PFKP: variants seen among roughly 807,000 people sequenced by gnomAD.
PFKP encodes ATP-dependent 6-phosphofructokinase, platelet type.
PFKP carries 101 observed loss-of-function variants against 94.3 expected under a neutral mutation model. That is an observed-to-expected ratio of 1.07 (90% CI 0.91 to 1.26). The LOEUF (loss-of-function observed/expected upper bound fraction) is 1.26. Ranked by LOEUF, PFKP falls within the 50% of genes most tolerant of loss-of-function variation. PFKP has a pLI of 0.00. For missense variants in PFKP, 1,145 were observed against 1,103.3 expected, an observed-to-expected ratio of 1.04 and a Z score of -0.53; for synonymous variants, 573 against 432.6, an observed-to-expected ratio of 1.32 and a Z score of -4.03.
chr10:3,134,242 A>AAGAT (rs1838941326), intron 19 of PFKP, among the ~76,000 whole-genome samples: 1 of 152,186 alleles, frequency 6.6e-6, no homozygotes, highest in Non-Finnish European at 1.5e-5. Flanking sequence ...TAAAATAATG[A>AAGAT]AGATTGTTAG....
At chr10:3,091,423 C>A (rs887341802) in intron 2 of PFKP, among the ~76,000 whole-genome samples, 1 of 152,098 alleles carries the variant, frequency 6.6e-6, no homozygotes, top group African/African-American at 2.4e-5. Flanking sequence ...CGGCTCCTTG[C>A]ATTTGGTTTC....
chr10:3,079,086 G>A (rs1832817256), intron 1 of PFKP, among the ~76,000 whole-genome samples: 1 of 152,202 alleles, frequency 6.6e-6, no homozygotes, highest in Non-Finnish European at 1.5e-5. Flanking sequence ...CTCCTGCTGT[G>A]GGGTGGTGTC....
chr10:3,113,197 C>G lies in PFKP; in HGVS notation c.1224+9C>G, dbSNP rs752614580. On this transcript the variant is annotated intron_variant, in intron 12 of 21. Coordinates refer to ENST00000381125, the MANE Select transcript of PFKP (RefSeq NM_002627.5). ...ATGATCAGATCCCAAAGGTAGGTGGCCGGCCTCCCGCGATGCCCCGACCTC... is the reference window on the plus strand; with the variant it reads ...ATGATCAGATCCCAAAGGTAGGTGGGCGGCCTCCCGCGATGCCCCGACCTC... 1.9e-6 allele frequency: 3 copies of G among 1,609,076 alleles called. No individual in the cohort carries two copies. The highest frequency in any genetic ancestry group is 2.5e-6 in the Non-Finnish European group (3 of 1,177,780).
chr10:3,125,681 C>A (rs1016258667), intron 16 of PFKP, among the ~76,000 whole-genome samples: 8 of 152,228 alleles, frequency 5.3e-5, no homozygotes, highest in Non-Finnish European at 1.2e-4. Flanking sequence ...CCTGGTGAGA[C>A]AAGAGGCTCT....
At chr10:3,092,168 T>A (rs1376636836) in intron 2 of PFKP, among the ~76,000 whole-genome samples, 5 of 152,178 alleles carry the variant, frequency 3.3e-5, no homozygotes, top group Non-Finnish European at 7.3e-5. Context: ...AGCAGCCCTG[T>A]CCCTGCACCC....
In PFKP at chr10:3,135,139, C is replaced by T. The variant is rs188664290; in HGVS notation, c.2122+557C>T. ...ACTCTTGTTAATGGCTCCAACATGGCTGTTCCCCACTCATTCCTGAGTGGC... is the reference window on the plus strand; with the variant it reads ...ACTCTTGTTAATGGCTCCAACATGGTTGTTCCCCACTCATTCCTGAGTGGC... On this transcript the variant is annotated intron_variant, in intron 20 of 21. Transcript: ENST00000381125. Among the ~76,000 whole-genome samples, 862 of 152,306 alleles carry T rather than the reference C, an allele frequency of 5.7e-3. 6 individuals carry two copies. The highest frequency in any genetic ancestry group is 0.02 in the African/African-American group (832 of 41,564).
chr10:3,124,615 G>A (rs991735945), intron 16 of PFKP, among the ~76,000 whole-genome samples: 1 of 152,204 alleles, frequency 6.6e-6, no homozygotes, highest in Non-Finnish European at 1.5e-5. Context: ...GCCTGCACCT[G>A]GGCGCCGCCT....
intron 1 of PFKP, among the ~76,000 whole-genome samples, chr10:3,068,051 A>G (rs1376899499): frequency 2.6e-5 from 4 of 152,050 alleles, no homozygotes; most frequent in Admixed American, 2.0e-4. Flanking sequence ...TTTGTTTTAA[A>G]TGGAACCTGG....
Position 3,067,605 on chromosome 10 carries a change from G to C in PFKP, c.10G>C (p.Asp4His). MDADDSRAPKGSLR... is the reference protein window; with the variant it reads MDAHDSRAPKGSLR... ...CCTCGGCCTCCTCGCCATGGACGCG[G>C]ACGACTCCCGGGCCCCCAAGGGCTC... Residue 4 changes from aspartate (D) to histidine (H), a missense_variant, in exon 1 of 22, where the codon GAC (aspartate) becomes CAC (histidine). Asp to His is a moderately conservative substitution (Grantham distance 81, BLOSUM62 -1). Coordinates refer to ENST00000381125, the MANE Select transcript of PFKP (RefSeq NM_002627.5). The C allele has an allele frequency of 6.6e-7, 1 of 1,523,636 alleles. No homozygotes were observed. Among genetic ancestry groups the C allele is most frequent in the Non-Finnish European group, 8.8e-7 (1 of 1,134,108 alleles). The allele number at this position is 1,523,636 out of a possible 1,614,324, so 94.4% of individuals were successfully genotyped here.
At chr10:3,133,935 G>A (rs1191960003) in intron 19 of PFKP, among the ~76,000 whole-genome samples, 2 of 152,182 alleles carry the variant, frequency 1.3e-5, no homozygotes, top group African/African-American at 4.8e-5. Flanking sequence ...TGGATTATCA[G>A]ACATGTAGTA....
chr10:3,088,033 A>C (rs981286906), intron 2 of PFKP, among the ~76,000 whole-genome samples: 1 of 131,424 alleles, frequency 7.6e-6, no homozygotes, highest in African/African-American at 3.1e-5. Flanking sequence ...TCTAGGGTAC[A>C]TGTGCACAAC....
intron 13 of PFKP, among the ~76,000 whole-genome samples, chr10:3,115,379 T>C (rs571251219): frequency 1.4e-4 from 8 of 56,038 alleles, no homozygotes; most frequent in African/African-American, 4.9e-4. Flanking sequence ...GTCCCGCAGC[T>C]GAGAACAGGA....
chr10:3,109,833 C>T (rs188621133), intron 10 of PFKP, among the ~76,000 whole-genome samples: 10,741 of 151,486 alleles, frequency 0.071, 482 homozygotes, highest in Non-Finnish European at 0.094. Context: ...GGGAGGCAGC[C>T]GAGAGAGAGA....
At chr10:3,070,169 T>A (rs1459833200) in intron 1 of PFKP, 1 of 152,262 alleles carries the variant, frequency 6.6e-6, no homozygotes, top group Non-Finnish European at 1.5e-5. Flanking sequence ...TCACAATTTT[T>A]TTGTAGACTC....
At chr10:3,091,736 A>G (rs979783292) in intron 2 of PFKP, among the ~76,000 whole-genome samples, 4 of 152,290 alleles carry the variant, frequency 2.6e-5, no homozygotes, top group South Asian at 2.1e-4. Flanking sequence ...CAGTGAACCT[A>G]GATTGCGCCA....
chr10:3,104,561 C>T (rs1461873224), intron 5 of PFKP, among the ~76,000 whole-genome samples: 6 of 152,242 alleles, frequency 3.9e-5, no homozygotes, highest in African/African-American at 1.4e-4. Flanking sequence ...TGTCCTGTTC[C>T]CAGTGACGCC....
chr10:3,119,477 T>C (rs894728617), intron 15 of PFKP, among the ~76,000 whole-genome samples: 55 of 151,998 alleles, frequency 3.6e-4, no homozygotes, highest in African/African-American at 1.2e-3. Context: ...TGGTGGCAGG[T>C]GCCTGTAGTC....
chr10:3,101,615 C>CTGTCGGTTCCAAA, intron 4 of PFKP, 61 bp downstream of exon 4: 1 of 1,220,882 alleles, frequency 8.2e-7, no homozygotes. Context: ...GCTTTGGAAC[C>CTGTCGGTTCCAAA]GACAGGTTTC....
At chr10:3,104,286 G>A (rs1835322067) in intron 5 of PFKP, among the ~76,000 whole-genome samples, 4 of 152,152 alleles carry the variant, frequency 2.6e-5, no homozygotes, top group East Asian at 1.9e-4. Flanking sequence ...CATTAGAAAC[G>A]CAGCCAGCGA....
Sources: allele counts gnomAD v4.1 joint callset (sites outside exome capture counted in the v4.1 genomes callset), GRCh38; gene constraint gnomAD v4.1.1; transcripts MANE v1.5; gene names NCBI Gene and HGNC (gene_info 2026-07-23, HGNC 2026-07-21).